The following ADAMTS20 variants were observed in gnomAD, a reference collection of about 807,000 sequenced individuals.
The protein encoded by ADAMTS20 is A disintegrin and metalloproteinase with thrombospondin motifs 20.
In ADAMTS20, 225 loss-of-function variants were observed where a neutral mutation model predicts 260.1. The observed-to-expected ratio is 0.87, with a 90% CI of 0.78 to 0.97. The LOEUF is 0.97. ADAMTS20 is among the 50% of genes least tolerant of loss of function. The pLI is 0.00. For synonymous variants in ADAMTS20, 802 were observed against 769.5 expected, an observed-to-expected ratio of 1.04 and a Z score of -0.70; for missense variants, 2,400 against 2,337.7, an observed-to-expected ratio of 1.03 and a Z score of -0.55.
rs751908562 is a variant in ADAMTS20 at position 43,376,321 on chromosome 12, A to G, written c.5135T>C (p.Phe1712Ser). ...CACTTGAATTTCTTTGCAGGTGGTA[A>G]ATGATTTACCTTCAAAGACAAATTA... is the stretch of plus-strand genomic sequence containing the variant. ...KKCYANDCKS[F>S]TTCKEIQVKN... Residue 1712 changes from phenylalanine (F) to serine (S), a missense_variant, in exon 34 of 39, where the codon TTT (phenylalanine) becomes TCT (serine). Coordinates refer to ENST00000389420, the MANE Select transcript of ADAMTS20 (RefSeq NM_025003.5). 2 of 1,551,106 alleles carry G rather than the reference A, an allele frequency of 1.3e-6. No homozygotes were observed. The highest frequency in any genetic ancestry group is 1.2e-5 in the South Asian group (1 of 83,964).
intron 28 of ADAMTS20, among the ~76,000 whole-genome samples, chr12:43,408,038 T>C (rs1262371258): frequency 1.3e-5 from 2 of 152,312 alleles, no homozygotes; most frequent in Middle Eastern, 3.4e-3. Flanking sequence ...AACATGAACC[T>C]TTACAAGTAT....
rs1054611623 is a variant in ADAMTS20, at chr12:43,395,427, C to G, written c.4452+3639G>C. 2.6e-5 allele frequency among the ~76,000 whole-genome samples: 4 copies of G among 152,004 alleles called. No individual in the cohort carries two copies. In the East Asian group the frequency reaches 5.8e-4, roughly 22 times the overall value. On this transcript the variant is annotated intron_variant, in intron 29 of 38. Transcript: ENST00000389420. ...TTGAAATATAGACAATATGGAATTA[C>G]AGAAATACAAAATATCTTAAACATC... is the stretch of plus-strand genomic sequence containing the variant.
chr12:43,416,524 C>CA (rs1941132883), intron 28 of ADAMTS20, among the ~76,000 whole-genome samples: 1 of 130,718 alleles, frequency 7.7e-6, no homozygotes, highest in African/African-American at 2.9e-5. Context: ...TCAAACTGAC[C>CA]TTTTTTTTTT....
At chr12:43,465,525 G>A (rs1394230814) in intron 9 of ADAMTS20, among the ~76,000 whole-genome samples, 1 of 151,920 alleles carries the variant, frequency 6.6e-6, no homozygotes, top group African/African-American at 2.4e-5. Context: ...ATTCCAATTG[G>A]GCTAAGAGCA....
chr12:43,443,495 G>T (rs1394471079), intron 16 of ADAMTS20, among the ~76,000 whole-genome samples: 1 of 151,652 alleles, frequency 6.6e-6, no homozygotes, highest in Non-Finnish European at 1.5e-5. Context: ...TGATAGAAGA[G>T]AATTTTATTC....
chr12:43,507,024 TTG>T (rs201315649), intron 3 of ADAMTS20, among the ~76,000 whole-genome samples: 13,835 of 152,102 alleles, frequency 0.091, 789 homozygotes, highest in Admixed American at 0.19. Context: ...TGTCTGGGAA[TTG>T]AATGTACAGC....
chr12:43,520,175 G>T (rs979891634), intron 3 of ADAMTS20, among the ~76,000 whole-genome samples: 2 of 152,038 alleles, frequency 1.3e-5, no homozygotes, highest in Non-Finnish European at 2.9e-5. Context: ...ATGGCTTCAG[G>T]CTTAACTGTA....
chr12:43,363,939 G>C (rs532786960), intron 37 of ADAMTS20, among the ~76,000 whole-genome samples: 15 of 152,118 alleles, frequency 9.9e-5, no homozygotes, highest in African/African-American at 3.4e-4. Context: ...TGAAAGAATA[G>C]GGAAATCATC....
chr12:43,360,722 C>A (rs921345816), intron 37 of ADAMTS20, among the ~76,000 whole-genome samples: 2 of 152,120 alleles, frequency 1.3e-5, no homozygotes, highest in African/African-American at 2.4e-5. Flanking sequence ...GAAAAATCAA[C>A]ATACCACTTG....
At chr12:43,406,743 T>C (rs1940927098) in intron 28 of ADAMTS20, among the ~76,000 whole-genome samples, 1 of 152,072 alleles carries the variant, frequency 6.6e-6, no homozygotes, top group Admixed American at 6.5e-5. Flanking sequence ...TATGAGTTTA[T>C]ACAACTACTT....
chr12:43,477,053 TA>T (rs75788250), intron 7 of ADAMTS20, among the ~76,000 whole-genome samples: 36,461 of 117,966 alleles, frequency 0.31, 5,423 homozygotes, highest in African/African-American at 0.49. Context: ...GACCTCTAAA[TA>T]AAAAAAAAAA....
At chr12:43,477,551 G>T (rs1942377616) in intron 7 of ADAMTS20, among the ~76,000 whole-genome samples, 1 of 152,038 alleles carries the variant, frequency 6.6e-6, no homozygotes. Context: ...TAAAAACTAG[G>T]TTTTAATGAA....
intron 7 of ADAMTS20, among the ~76,000 whole-genome samples, chr12:43,471,099 C>T (rs1256568383): frequency 6.6e-6 from 1 of 152,092 alleles, no homozygotes; most frequent in African/African-American, 2.4e-5. Flanking sequence ...TAGGGAGTGC[C>T]AGACAGTGGG....
intron 29 of ADAMTS20, among the ~76,000 whole-genome samples, chr12:43,394,254 G>A (rs1940654626): frequency 6.6e-6 from 1 of 152,046 alleles, no homozygotes; most frequent in African/African-American, 2.4e-5. Flanking sequence ...TCTTGCTACT[G>A]GCAGCAGAAC....
intron 28 of ADAMTS20, among the ~76,000 whole-genome samples, chr12:43,421,614 AAG>A (rs1324984711): frequency 6.6e-6 from 1 of 152,100 alleles, no homozygotes; most frequent in Non-Finnish European, 1.5e-5. Context: ...TCACCTTTTA[AAG>A]ACTACCTTGG....
chr12:43,404,950 T>C (rs1190363375), intron 28 of ADAMTS20, among the ~76,000 whole-genome samples: 1 of 152,056 alleles, frequency 6.6e-6, no homozygotes, highest in Non-Finnish European at 1.5e-5. Context: ...GAACAAACTT[T>C]CAATGAGTGA....
chr12:43,429,932 A>G (rs1011160673), intron 23 of ADAMTS20, among the ~76,000 whole-genome samples: 7 of 152,216 alleles, frequency 4.6e-5, no homozygotes, highest in African/African-American at 1.7e-4. Flanking sequence ...AGTTTGGACC[A>G]TTCTGTTTGA....
chr12:43,410,938 T>A (rs113868399), intron 28 of ADAMTS20, among the ~76,000 whole-genome samples: 1 of 152,182 alleles, frequency 6.6e-6, no homozygotes, highest in Admixed American at 6.5e-5. Flanking sequence ...TGCACTTCAA[T>A]TGAAAATTGT....
At chr12:43,400,635 C>T (rs763937373) in intron 28 of ADAMTS20, among the ~76,000 whole-genome samples, 14 of 151,682 alleles carry the variant, frequency 9.2e-5, no homozygotes, top group East Asian at 1.9e-4. Flanking sequence ...CCGTTCCTGA[C>T]CATGTTATCT....
Sources: allele counts gnomAD v4.1 joint callset (sites outside exome capture counted in the v4.1 genomes callset), GRCh38; gene constraint gnomAD v4.1.1; transcripts MANE v1.5; gene names NCBI Gene and HGNC (gene_info 2026-07-23, HGNC 2026-07-21).